Variants in RTN1 observed in about 807,000 individuals in gnomAD.
The protein encoded by RTN1 is reticulon-1.
In RTN1, 25 loss-of-function variants were observed where a neutral mutation model predicts 65.5. The observed-to-expected ratio is 0.38, with a 90% confidence interval of 0.28 to 0.53. RTN1 has a LOEUF of 0.53. Ranked by LOEUF, RTN1 falls within the 20% of genes least tolerant of loss-of-function variation. RTN1 has a pLI of 0.79. For missense variants in RTN1, 983 were observed against 1,025.4 expected (o/e 0.96, Z 0.57); for synonymous variants, 471 against 447.6 (o/e 1.05, Z -0.66).
At chr14:59,610,283 CT>C in intron 3 of RTN1, 1 of 606,144 alleles carries the variant, frequency 1.6e-6, no homozygotes, top group South Asian at 2.0e-5. Flanking sequence ...GTAGGGTCGT[CT>C]CTTAGCAGAT....
chr14:59,778,887 G>T (rs538958731), intron 1 of RTN1, among the ~76,000 whole-genome samples: 1 of 152,284 alleles, frequency 6.6e-6, no homozygotes, highest in Non-Finnish European at 1.5e-5. Flanking sequence ...ACAGGGTCAG[G>T]TTGGGGAGGA....
intron 2 of RTN1, among the ~76,000 whole-genome samples, chr14:59,735,776 C>T (rs1013530837): frequency 6.6e-6 from 1 of 152,150 alleles, no homozygotes; most frequent in Non-Finnish European, 1.5e-5. Flanking sequence ...TAGACTCCCA[C>T]ACAATAACAG....
chr14:59,650,594 G>T (rs1445587070), intron 3 of RTN1, among the ~76,000 whole-genome samples: 1 of 152,008 alleles, frequency 6.6e-6, no homozygotes, highest in Non-Finnish European at 1.5e-5. Context: ...AAAATCACTA[G>T]AATTCCTGTA....
At chr14:59,675,445 G>GA (rs1555354871) in intron 3 of RTN1, among the ~76,000 whole-genome samples, 3 of 17,784 alleles carry the variant, frequency 1.7e-4, no homozygotes, top group Non-Finnish European at 5.7e-4. Context: ...TATAGGACTT[G>GA]GGGGGGGGGC....
chr14:59,609,849 A>G (rs768736751), intron 3 of RTN1, among the ~76,000 whole-genome samples: 4 of 152,254 alleles, frequency 2.6e-5, no homozygotes, highest in Non-Finnish European at 4.4e-5. Flanking sequence ...GGATATAAAA[A>G]TAAGTGAATT....
intron 1 of RTN1, among the ~76,000 whole-genome samples, chr14:59,835,840 C>A (rs1210448826): frequency 6.6e-6 from 1 of 152,158 alleles, no homozygotes; most frequent in Non-Finnish European, 1.5e-5. Context: ...GCTGCTATAA[C>A]AAATTACCAC....
intron 1 of RTN1, among the ~76,000 whole-genome samples, chr14:59,864,149 T>C (rs1204542388): frequency 6.6e-6 from 1 of 152,116 alleles, no homozygotes; most frequent in Non-Finnish European, 1.5e-5. Context: ...CTCATCACAC[T>C]CAGAGTAATA....
chr14:59,870,717 A>C lies in RTN1; in HGVS notation c.-87T>G, dbSNP rs1458992776. The C allele has an allele frequency of 8.0e-7, 1 of 1,255,908 alleles. No homozygotes were observed. Among genetic ancestry groups the C allele is most frequent in the East Asian group, 3.3e-5 (1 of 30,136 alleles). 77.8% of individuals were successfully genotyped at this position (1,255,908 alleles called of 1,614,324 possible). A position where few individuals can be genotyped will look rare whatever the true frequency, so the allele number is the denominator to read the frequency against. ...GGGCGCTCCCTGCTGCTGTCCCCGGAGGGACTCGGCGCTCAGGGAAGCTGC... is the reference window on the plus strand; with the variant it reads ...GGGCGCTCCCTGCTGCTGTCCCCGGCGGGACTCGGCGCTCAGGGAAGCTGC... On this transcript the variant is annotated 5_prime_UTR_variant, in exon 1 of 9. Coordinates refer to ENST00000267484, the MANE Select transcript of RTN1 (RefSeq NM_021136.3). The surrounding 1 kb of genome is among the most constrained non-coding windows in gnomAD (Gnocchi z 5.1).
intron 3 of RTN1, among the ~76,000 whole-genome samples, chr14:59,629,205 G>A (rs899467300): frequency 1.3e-5 from 2 of 152,088 alleles, no homozygotes; most frequent in Non-Finnish European, 2.9e-5. Context: ...TTTTGACAAC[G>A]GTATTTCCAA....
chr14:59,675,442 CT>C (rs150231187), intron 3 of RTN1, among the ~76,000 whole-genome samples: 9,674 of 62,690 alleles, frequency 0.15, 730 homozygotes, highest in African/African-American at 0.3. Context: ...ACCTATAGGA[CT>C]TGGGGGGGGG....
At chr14:59,775,228 T>G (rs930010491) in intron 1 of RTN1, among the ~76,000 whole-genome samples, 2 of 152,160 alleles carry the variant, frequency 1.3e-5, no homozygotes, top group African/African-American at 2.4e-5. Flanking sequence ...AATCTCATAT[T>G]AGAGATGGTA....
At chr14:59,831,408 C>A (rs1887122537) in intron 1 of RTN1, among the ~76,000 whole-genome samples, 1 of 152,116 alleles carries the variant, frequency 6.6e-6, no homozygotes, top group South Asian at 2.1e-4. Flanking sequence ...GAGACACTGG[C>A]TTTTTCATGC....
chr14:59,826,797 C>T (rs1887039035), intron 1 of RTN1, among the ~76,000 whole-genome samples: 1 of 152,112 alleles, frequency 6.6e-6, no homozygotes, highest in East Asian at 1.9e-4. Context: ...GGAAAAAAGA[C>T]AGGGCCCTGC....
rs183221832 is a variant in RTN1, at chr14:59,763,689, C to A, written c.242-17208G>T. On this transcript the variant is annotated intron_variant, in intron 1 of 8. Coordinates refer to ENST00000267484, the MANE Select transcript of RTN1 (RefSeq NM_021136.3). ...CTGGGACTACAGGCACCTCCCACGA[C>A]GCCCGGCTAATTTTTGTATTTTTAG... Among the ~76,000 whole-genome samples, 12 of 152,018 alleles carry A rather than the reference C, an allele frequency of 7.9e-5. No homozygotes were observed. In the East Asian group the frequency reaches 2.3e-3, roughly 29 times the overall value.
At chr14:59,684,692 C>T (rs564373957) in intron 3 of RTN1, among the ~76,000 whole-genome samples, 32 of 152,090 alleles carry the variant, frequency 2.1e-4, no homozygotes, top group African/African-American at 6.3e-4. Context: ...GTTAGGATTA[C>T]CTCCTTGAGA....
intron 3 of RTN1, chr14:59,630,728 G>A (rs1882530461): frequency 1.8e-6 from 2 of 1,114,874 alleles, no homozygotes; most frequent in African/African-American, 1.7e-5. Context: ...AGCCGCCTGC[G>A]CGCATGGGGA....
intron 3 of RTN1, among the ~76,000 whole-genome samples, chr14:59,724,101 ATAACAGG>A (rs1230267531): frequency 6.6e-6 from 1 of 152,202 alleles, no homozygotes; most frequent in African/African-American, 2.4e-5. Flanking sequence ...TCTAATGTTT[ATAACAGG>A]TCATCCTAGA....
At chr14:59,750,263 A>AT (rs1216434117) in intron 1 of RTN1, among the ~76,000 whole-genome samples, 9 of 67,362 alleles carry the variant, frequency 1.3e-4, no homozygotes, top group African/African-American at 2.1e-4. Context: ...TATAATATAT[A>AT]TAATATCTAT....
rs549076169 is a variant in RTN1 at position 59,715,039 on chromosome 14, G to A, written c.1765+11880C>T. On this transcript the variant is annotated intron_variant, in intron 3 of 8. Coordinates refer to ENST00000267484, the MANE Select transcript of RTN1 (RefSeq NM_021136.3). ...CTTTGAGGTGGAACAGTTTCATCCT[G>A]AAACCATCCCACCCTCCCACCTTCC... Among the ~76,000 whole-genome samples, 7 of 152,264 alleles carry A rather than the reference G, an allele frequency of 4.6e-5. No individual in the cohort carries two copies. In the South Asian group the frequency reaches 1.5e-3, roughly 32 times the overall value.
Sources: gnomAD v4.1 joint callset for allele counts (sites outside exome capture counted in the v4.1 genomes callset) on GRCh38, gnomAD v4.1.1 for gene constraint, Gnocchi (gnomAD v3.1) non-coding constraint, MANE v1.5 for transcripts, NCBI Gene and HGNC (gene_info 2026-07-23, HGNC 2026-07-21) for gene names.